The following SNX16 variants were observed in gnomAD, a reference collection of about 807,000 sequenced individuals.
SNX16 encodes the protein sorting nexin 16, also known as sorting nexin-16.
SNX16 carries 35 observed loss-of-function variants against 36.7 expected under a neutral mutation model. That is an observed-to-expected ratio of 0.95 (90% CI 0.73 to 1.27). The LOEUF (loss-of-function observed/expected upper bound fraction) is 1.27. Ranked by LOEUF, SNX16 falls within the 50% of genes most tolerant of loss-of-function variation. The pLI, the probability that SNX16 is intolerant of heterozygous loss-of-function variation, is 0.00. For synonymous variants in SNX16, 134 were observed against 132.0 expected, an observed-to-expected ratio of 1.02 and a Z score of -0.10; for missense variants, 367 against 393.6, an observed-to-expected ratio of 0.93 and a Z score of 0.57.
intron 2 of SNX16, among the ~76,000 whole-genome samples, chr8:81,830,252 G>A (rs1811192296): frequency 6.6e-6 from 1 of 152,034 alleles, no homozygotes; most frequent in Admixed American, 6.6e-5. Context: ...GATCTCTACA[G>A]GGAGAACTAC....
At chr8:81,840,125 G>T in intron 1 of SNX16, 43 bp from the exon 2 acceptor site, 1 of 949,364 alleles carries the variant, frequency 1.1e-6, no homozygotes, top group Non-Finnish European at 1.5e-6. Context: ...TCTTTAATGT[G>T]CAGCAGGATT....
intron 5 of SNX16, chr8:81,808,182 G>A: frequency 7.5e-7 from 1 of 1,333,270 alleles, no homozygotes; most frequent in Admixed American, 1.7e-5. Flanking sequence ...TTGAAATCAT[G>A]ACTGACCAAG....
At chr8:81,826,180 G>A (rs1811012583) in intron 3 of SNX16, among the ~76,000 whole-genome samples, 1 of 152,140 alleles carries the variant, frequency 6.6e-6, no homozygotes, top group African/African-American at 2.4e-5. Flanking sequence ...GCAATCTCAG[G>A]ATGCCACTTA....
At chr8:81,834,673 T>A (rs1811415894) in intron 2 of SNX16, among the ~76,000 whole-genome samples, 1 of 152,134 alleles carries the variant, frequency 6.6e-6, no homozygotes, top group South Asian at 2.1e-4. Flanking sequence ...GGTAGTCAAA[T>A]CTTAAAGCTC....
Position 81,804,169 on chromosome 8 carries a change from C to A in SNX16, c.682-941G>T, listed in dbSNP as rs1213289928. On this transcript the variant is annotated intron_variant, in intron 5 of 7. Coordinates refer to ENST00000345957, the MANE Select transcript of SNX16 (RefSeq NM_152836.3). The stretch of plus-strand genomic sequence containing the variant: ...ATAACTATCAAGGTAGAATTCTACA[C>A]TCAGTTAAATCATACTTCAAGAATG... Among the ~76,000 whole-genome samples, 3 of 151,840 alleles carry A rather than the reference C, an allele frequency of 2.0e-5. No homozygotes were observed. In the East Asian group the frequency reaches 5.8e-4, roughly 29 times the overall value.
intron 7 of SNX16, 38 bp from the exon 8 acceptor site, chr8:81,801,631 G>T: frequency 1.7e-6 from 2 of 1,205,934 alleles, no homozygotes; most frequent in South Asian, 1.3e-5. Context: ...ATCAATGATG[G>T]GACTGGATGC....
intron 2 of SNX16, among the ~76,000 whole-genome samples, chr8:81,838,445 T>C (rs1811592065): frequency 6.6e-6 from 1 of 151,858 alleles, no homozygotes; most frequent in South Asian, 2.1e-4. Context: ...TAGTAAAGGA[T>C]GAAAAAATAG....
chr8:81,822,354 A>G (rs961618867), intron 4 of SNX16, among the ~76,000 whole-genome samples: 1 of 152,150 alleles, frequency 6.6e-6, no homozygotes, highest in African/African-American at 2.4e-5. Context: ...TTGGAGAATT[A>G]AAAGAAGACC....
At chr8:81,808,408 A>G in intron 5 of SNX16, 1 of 1,232,436 alleles carries the variant, frequency 8.1e-7, no homozygotes, top group South Asian at 1.2e-5. Flanking sequence ...TTCGGTGGGA[A>G]TGACAACTTT....
chr8:81,807,217 C>T (rs1472522934), intron 5 of SNX16, among the ~76,000 whole-genome samples: 1 of 151,844 alleles, frequency 6.6e-6, no homozygotes, highest in Non-Finnish European at 1.5e-5. Flanking sequence ...AGGGATGAGA[C>T]TACTAAAAAT....
rs932377324 is a variant in SNX16 at position 81,800,043 on chromosome 8, TCTC to T, written c.*1451_*1453del. On this transcript the variant is annotated 3_prime_UTR_variant, in exon 8 of 8. Transcript: ENST00000345957. ...TTTTTGGTTATTTGGTAAAAAGTGA[TCTC>T]CTTTTTACTTCAAAGGTTAACAACA... is the stretch of plus-strand genomic sequence containing the variant. 6.6e-6 allele frequency: 1 copy of T among 151,932 alleles called. No individual in the cohort carries two copies. Among genetic ancestry groups the T allele is most frequent in the African/African-American group, 2.4e-5 (1 of 41,458 alleles). The allele number at this position is 151,932 out of a possible 1,614,324, so 9.4% of individuals were successfully genotyped here. A position where few individuals can be genotyped will look rare whatever the true frequency, so the allele number is the denominator to read the frequency against.
At chr8:81,810,254 T>C (rs1239546393) in intron 5 of SNX16, among the ~76,000 whole-genome samples, 2 of 152,212 alleles carry the variant, frequency 1.3e-5, no homozygotes, top group African/African-American at 4.8e-5. Flanking sequence ...CTAATTTATA[T>C]CCCTAATCTT....
intron 5 of SNX16, among the ~76,000 whole-genome samples, chr8:81,806,122 A>C (rs974800115): frequency 2.0e-5 from 3 of 152,190 alleles, no homozygotes; most frequent in Admixed American, 6.5e-5. Flanking sequence ...GGTGAATTCT[A>C]ACAAACATTT....
At chr8:81,806,830 T>C (rs1250858754) in intron 5 of SNX16, among the ~76,000 whole-genome samples, 1 of 151,656 alleles carries the variant, frequency 6.6e-6, no homozygotes, top group Non-Finnish European at 1.5e-5. Context: ...TATATAAAAA[T>C]CAATAATAAA....
At chr8:81,840,881 C>G (rs1345925388) in intron 1 of SNX16, among the ~76,000 whole-genome samples, 2 of 152,176 alleles carry the variant, frequency 1.3e-5, no homozygotes, top group African/African-American at 2.4e-5. Flanking sequence ...AAATGGTTTA[C>G]TATTACTTTG....
intron 5 of SNX16, chr8:81,808,547 C>T (rs1810077458): frequency 6.0e-6 from 6 of 999,438 alleles, no homozygotes; most frequent in Non-Finnish European, 9.5e-6. Context: ...GTGGTGGAAG[C>T]TACAATGATT....
chr8:81,801,695 A>AGT (rs61516400), intron 7 of SNX16, 102 bp from the exon 8 acceptor site: 1 of 650,092 alleles, frequency 1.5e-6, no homozygotes, highest in Non-Finnish European at 2.5e-6. Flanking sequence ...CCTTATAGAA[A>AGT]ATTTACATAC....
chr8:81,841,216 C>T (rs1334417380), intron 1 of SNX16, among the ~76,000 whole-genome samples: 1 of 151,914 alleles, frequency 6.6e-6, no homozygotes, highest in East Asian at 1.9e-4. Flanking sequence ...TGGCGCAGGC[C>T]TATAATCCCA....
rs192537127 is a variant in SNX16, at chr8:81,824,129, G to A, written c.463-189C>T. 9.2e-5 allele frequency among the ~76,000 whole-genome samples: 14 copies of A among 152,242 alleles called. No individual in the cohort carries two copies. The South Asian group carries it at 1.0e-3, about 11-fold the overall frequency. The stretch of plus-strand genomic sequence containing the variant: ...CAGCTGTGTATACAGAAGAGTTCCA[G>A]TCTTTCCACATCCTTGCCAGAACTT... On this transcript the variant is annotated intron_variant, in intron 3 of 7. Coordinates refer to ENST00000345957, the MANE Select transcript of SNX16 (RefSeq NM_152836.3).
Sources: gnomAD v4.1 joint callset for allele counts (sites outside exome capture counted in the v4.1 genomes callset) on GRCh38, gnomAD v4.1.1 for gene constraint, MANE v1.5 for transcripts, NCBI Gene and HGNC (gene_info 2026-07-23, HGNC 2026-07-21) for gene names.